The following TRIM33 variants were observed in gnomAD, a reference collection of about 807,000 sequenced individuals.
TRIM33 encodes tripartite motif containing 33.
TRIM33 carries 20 observed loss-of-function variants against 125.4 expected under a neutral mutation model. The observed-to-expected ratio is 0.16, with a 90% confidence interval of 0.11 to 0.23. TRIM33 has a LOEUF of 0.23. Ranked by LOEUF, TRIM33 falls within the 10% of genes least tolerant of loss-of-function variation. The pLI is 1.00. For synonymous variants in TRIM33, 564 were observed against 513.9 expected, an observed-to-expected ratio of 1.10 and a Z score of -1.32; for missense variants, 920 against 1,411.4, an observed-to-expected ratio of 0.65 and a Z score of 5.58.
chr1:114,403,347 T>A (rs572243396), intron 15 of TRIM33, among the ~76,000 whole-genome samples: 1 of 152,136 alleles, frequency 6.6e-6, no homozygotes, highest in African/African-American at 2.4e-5. Flanking sequence ...CACAAACACA[T>A]ACCTGCAGGC....
intron 16 of TRIM33, among the ~76,000 whole-genome samples, chr1:114,402,299 C>CAGAA (rs1481555439): frequency 6.6e-6 from 1 of 152,062 alleles, no homozygotes; most frequent in Admixed American, 6.6e-5. Context: ...AGGTCAAGAG[C>CAGAA]AGAAGCGGGG....
intron 1 of TRIM33, among the ~76,000 whole-genome samples, chr1:114,488,217 A>C (rs1381232175): frequency 6.6e-6 from 1 of 152,194 alleles, no homozygotes; most frequent in African/African-American, 2.4e-5. Context: ...ACCATAAATA[A>C]AGACGGAATC....
intron 10 of TRIM33, 85 bp from the exon 11 acceptor site, chr1:114,421,721 A>G: frequency 7.5e-7 from 1 of 1,337,854 alleles, no homozygotes. Context: ...TAGTTTAGGA[A>G]GGAAACAGAA....
At chr1:114,500,792 G>A (rs1652663128) in intron 1 of TRIM33, among the ~76,000 whole-genome samples, 1 of 150,866 alleles carries the variant, frequency 6.6e-6, no homozygotes, top group African/African-American at 2.4e-5. Context: ...AACATGAAAA[G>A]ACAGCTCTCT....
chr1:114,402,954 G>T (rs879900517), intron 15 of TRIM33, 71 bp from the exon 16 acceptor site: 5 of 1,395,776 alleles, frequency 3.6e-6, no homozygotes, highest in Non-Finnish European at 4.8e-6. Context: ...TACTTCCCTG[G>T]ACTGGGGCCT....
Position 114,405,502 on chromosome 1 carries a change from G to A in TRIM33, c.2676C>T (p.Val892=), listed in dbSNP as rs760782014. Residue 892 remains valine (V), a synonymous_variant, in exon 15 of 20, where the codon GTC becomes GTT. Transcript: ENST00000358465. ...ACAAGAGATCTCCTCCGTTTTGGCA[G>A]ACAGCACACCAGTCTTCATTTGGGT... ...DDDPNEDWCA[V]CQNGGDLLCC... is the part of the protein sequence containing the mutation. The A allele has an allele frequency of 5.6e-6, 9 of 1,614,104 alleles. No homozygotes were observed. In the East Asian group the frequency reaches 1.6e-4, roughly 28 times the overall value.
At position 114,447,404 on chromosome 1, in the gene TRIM33, T is replaced by C. The variant is rs576886007; in HGVS notation, c.924-13671A>G. Among the ~76,000 whole-genome samples, 12 of 149,752 alleles carry C rather than the reference T, an allele frequency of 8.0e-5. No homozygotes were observed. The East Asian group carries it at 2.4e-3, about 29-fold the overall frequency. On this transcript the variant is annotated intron_variant, in intron 4 of 19. Coordinates refer to ENST00000358465, the MANE Select transcript of TRIM33 (RefSeq NM_015906.4). The stretch of plus-strand genomic sequence containing the variant: ...TGGCCTATGCAACTGAAAAAAAAAA[T>C]GCAACTGCCAAACTGAGATGAGGAA...
intron 4 of TRIM33, among the ~76,000 whole-genome samples, chr1:114,439,016 A>C (rs924727466): frequency 1.3e-5 from 2 of 152,228 alleles, no homozygotes; most frequent in African/African-American, 4.8e-5. Context: ...TGAGAAAGAC[A>C]TTAAAATCCT....
intron 1 of TRIM33, among the ~76,000 whole-genome samples, chr1:114,471,334 G>C (rs572338576): frequency 6.6e-6 from 1 of 151,894 alleles, no homozygotes; most frequent in Admixed American, 6.6e-5. Flanking sequence ...CCAGCTACTC[G>C]GGAGGCTGAG....
intron 4 of TRIM33, among the ~76,000 whole-genome samples, chr1:114,444,984 T>G (rs1648885874): frequency 6.6e-6 from 1 of 152,018 alleles, no homozygotes; most frequent in Non-Finnish European, 1.5e-5. Flanking sequence ...AGATGGAAAC[T>G]ACTAAAAGAA....
At chr1:114,464,496 A>G (rs1650171652) in intron 1 of TRIM33, 108 bp from the exon 2 acceptor site, 2 of 575,864 alleles carry the variant, frequency 3.5e-6, no homozygotes, top group South Asian at 5.9e-5. Flanking sequence ...CAAAGAAATG[A>G]GCATCAAGAG....
In TRIM33 at chr1:114,427,301, G is replaced by T; in HGVS notation, c.1303-7C>A. ...GACGCAACTGGAAAGTAATCTTAAA[G>T]GGAAAAAAATCCACATTAGTCTCAA... On this transcript the variant is annotated splice_region_variant and splice_polypyrimidine_tract_variant and intron_variant, in intron 7 of 19. Coordinates refer to ENST00000358465, the MANE Select transcript of TRIM33 (RefSeq NM_015906.4). 2.1e-6 allele frequency: 3 copies of T among 1,452,556 alleles called. No individual in the cohort carries two copies. Among genetic ancestry groups the T allele is most frequent in the Non-Finnish European group, 2.8e-6 (3 of 1,055,572 alleles). The allele number at this position is 1,452,556 out of a possible 1,614,324, so 90.0% of individuals were successfully genotyped here.
At chr1:114,433,174 T>A (rs953885751) in intron 5 of TRIM33, among the ~76,000 whole-genome samples, 2 of 152,238 alleles carry the variant, frequency 1.3e-5, no homozygotes, top group African/African-American at 4.8e-5. Flanking sequence ...AACTGCTTAC[T>A]ATGTACCAGA....
At chr1:114,473,835 G>A (rs1650807236) in intron 1 of TRIM33, among the ~76,000 whole-genome samples, 1 of 152,114 alleles carries the variant, frequency 6.6e-6, no homozygotes, top group African/African-American at 2.4e-5. Context: ...GATAGTAAAT[G>A]AGAATGAATT....
At chr1:114,492,063 AG>A (rs1652102369) in intron 1 of TRIM33, among the ~76,000 whole-genome samples, 1 of 152,208 alleles carries the variant, frequency 6.6e-6, no homozygotes, top group South Asian at 2.1e-4. Context: ...GAGTGCTGAA[AG>A]AAGGCAAAGC....
intron 6 of TRIM33, among the ~76,000 whole-genome samples, chr1:114,429,316 T>A (rs1312463643): frequency 6.6e-6 from 1 of 151,612 alleles, no homozygotes; most frequent in Non-Finnish European, 1.5e-5. Flanking sequence ...GCCTCCTGAG[T>A]AGCTGGGATT....
At position 114,510,666 on chromosome 1, in the gene TRIM33, C is replaced by T; in HGVS notation, c.411G>A (p.Glu137=). The change falls in exon 1 of 20, where the codon GAG becomes GAA. Residue 137 remains glutamate, a synonymous_variant. Coordinates refer to ENST00000358465, the MANE Select transcript of TRIM33 (RefSeq NM_015906.4). ...GACAGGGCAGCAGCTTGGGCTCCGC[C>T]TCACGCCGGCTCTGCAAGCTCTGCT... ...VCQQSLQSRR[E]AEPKLLPCLH... is the part of the protein sequence containing the mutation. The T allele has an allele frequency of 6.4e-7, 1 of 1,553,342 alleles. No homozygotes were observed.
rs55763520 is a variant in TRIM33 at position 114,421,610 on chromosome 1, G to T, written c.1887C>A (p.Pro629=). 2.5e-6 allele frequency: 4 copies of T among 1,614,102 alleles called. No individual in the cohort carries two copies. In the South Asian group the frequency reaches 4.4e-5, roughly 18 times the overall value. Residue 629 remains proline (P), a synonymous_variant, in exon 11 of 20, where the codon CCC becomes CCA. Transcript: ENST00000358465. ...RQHSNPGHAG[P]FPVVSVHNTT... ...TGTTGTGTACCGATACTACGGGAAA[G>T]GGTCCAGCATGCCCTGGGTTTGAGT...
chr1:114,413,601 AAAAG>A (rs1652735707), intron 11 of TRIM33, among the ~76,000 whole-genome samples: 1 of 145,074 alleles, frequency 6.9e-6, no homozygotes, highest in East Asian at 1.9e-4. Context: ...ACTTTTTCTG[AAAAG>A]AAAAAGTCCA....
Sources: allele counts gnomAD v4.1 joint callset (sites outside exome capture counted in the v4.1 genomes callset), GRCh38; gene constraint gnomAD v4.1.1; transcripts MANE v1.5; gene names NCBI Gene and HGNC (gene_info 2026-07-23, HGNC 2026-07-21).